The following NMUR1 variants were observed in gnomAD, a reference collection of about 807,000 sequenced individuals.
NMUR1 encodes the protein neuromedin-U receptor 1.
Under a neutral mutation model 18.8 loss-of-function variants are expected in NMUR1, and 16 were observed. The ratio of observed to expected loss-of-function variants is 0.85; its 90% confidence interval spans 0.58 to 1.29. The LOEUF is 1.29. Ranked by LOEUF, NMUR1 falls within the 50% of genes most tolerant of loss-of-function variation. NMUR1 has a pLI of 0.00. For synonymous variants in NMUR1, 258 were observed against 258.2 expected (o/e 1.00, Z 0.01); for missense variants, 529 against 580.3 (o/e 0.91, Z 0.91).
chr2:231,523,555 T>C lies in NMUR1; in HGVS notation c.*1488A>G, dbSNP rs1049287198. The stretch of plus-strand genomic sequence containing the variant: ...TTTTAAAACTAAACATCTGCAACCC[T>C]GTACCACGTCCTCCACTTTCTCGGC... On this transcript the variant is annotated 3_prime_UTR_variant, in exon 3 of 3. Transcript: ENST00000305141. The C allele has an allele frequency of 7.9e-5, 16 of 203,648 alleles. No homozygotes were observed. The highest frequency in any genetic ancestry group is 1.6e-4 in the Non-Finnish European group (16 of 103,172). The allele number at this position is 203,648 out of a possible 1,614,324, so 12.6% of individuals were successfully genotyped here. A position where few individuals can be genotyped will look rare whatever the true frequency, so the allele number is the denominator to read the frequency against.
downstream of NMUR1, among the ~76,000 whole-genome samples, chr2:231,518,976 G>A (rs2047287120): frequency 6.6e-6 from 1 of 152,132 alleles, no homozygotes; most frequent in African/African-American, 2.4e-5. Flanking sequence ...CCTCCTCCTG[G>A]AAGCCTTCCC....
Position 231,528,603 on chromosome 2 carries a change from G to A in NMUR1, c.418C>T (p.Leu140=). ...GAGGCCAGGCAGACCATCTCAAACA[G>A]TAGCGTGCGGAAATAGCAGCCACCA... The part of the protein sequence containing the change: ...GVGGCYFRTL[L]FEMVCLASVL... The change falls in exon 2 of 3, where the codon CTG becomes TTG. Residue 140 remains leucine (L), a synonymous_variant. Transcript: ENST00000305141. 1 of 1,614,206 alleles carries A rather than the reference G, an allele frequency of 6.2e-7. No individual in the cohort carries two copies. The highest frequency in any genetic ancestry group is 8.5e-7 in the Non-Finnish European group (1 of 1,180,046).
chr2:231,524,766 A>C lies in NMUR1; in HGVS notation c.*277T>G. On this transcript the variant is annotated 3_prime_UTR_variant, in exon 3 of 3. Transcript: ENST00000305141. ...GAGGGAGGACTGCTGAGCCCCAGCT[A>C]ACTGTGATATTTCTGCAGGGTAAGG... 1 of 365,848 alleles carries C rather than the reference A, an allele frequency of 2.7e-6. No homozygotes were observed. Among genetic ancestry groups the C allele is most frequent in the Non-Finnish European group, 4.9e-6 (1 of 202,816 alleles). The allele number at this position is 365,848 out of a possible 1,614,324, so 22.7% of individuals were successfully genotyped here.
At chr2:231,525,968 G>GCA (rs141246136) in intron 2 of NMUR1, among the ~76,000 whole-genome samples, 42,094 of 142,782 alleles carry the variant, frequency 0.29, 6,438 homozygotes, top group East Asian at 0.55. Flanking sequence ...ACACACACAT[G>GCA]CACACACACA....
chr2:231,525,372 C>T lies in NMUR1; in HGVS notation c.952G>A (p.Val318Ile), dbSNP rs962529763. 3.7e-6 allele frequency: 6 copies of T among 1,613,980 alleles called. No homozygotes were observed. Among genetic ancestry groups the T allele is most frequent in the East Asian group, 2.2e-5 (1 of 44,884 alleles). Reference sequence around the variant, plus strand: ...CACTGTGACACGACGCTCCACATGACGCGGTCGGCGTGGAACGGGGCCCAG... The same window carrying T: ...CACTGTGACACGACGCTCCACATGATGCGGTCGGCGTGGAACGGGGCCCAG... Reference protein sequence around the residue: ...ICWAPFHADRVMWSVVSQWTD... With the variant: ...ICWAPFHADRIMWSVVSQWTD... The change falls in exon 3 of 3, where the codon GTC becomes ATC. Residue 318 changes from valine (V) to isoleucine (I), a missense_variant. Coordinates refer to ENST00000305141, the MANE Select transcript of NMUR1 (RefSeq NM_006056.5).
At position 231,528,488 on chromosome 2, in the gene NMUR1, A is replaced by T; in HGVS notation, c.533T>A (p.Val178Glu). The T allele has an allele frequency of 6.2e-7, 1 of 1,613,692 alleles. No homozygotes were observed. Among genetic ancestry groups the T allele is most frequent in the Non-Finnish European group, 8.5e-7 (1 of 1,180,028 alleles). Residue 178 changes from valine to glutamate, a missense_variant, in exon 2 of 3, where the codon GTG (valine) becomes GAG (glutamate). By Grantham distance (121) the Val-to-Glu change is moderately radical. Coordinates refer to ENST00000305141, the MANE Select transcript of NMUR1 (RefSeq NM_006056.5). ...QARSMVTRAH[V>E]RRVLGAVWGL... ...CCAGACGGCCCCAAGCACTCGGCGC[A>T]CATGGGCCCGCGTCACCATGGACCT...
intron 1 of NMUR1, among the ~76,000 whole-genome samples, chr2:231,530,141 C>G (rs756904897): frequency 2.6e-5 from 4 of 152,174 alleles, no homozygotes; most frequent in Non-Finnish European, 4.4e-5. Flanking sequence ...TCAAGGGAGG[C>G]GCCCTGGTCC....
downstream of NMUR1, among the ~76,000 whole-genome samples, chr2:231,522,087 T>C (rs899321761): frequency 6.6e-6 from 1 of 151,326 alleles, no homozygotes; most frequent in African/African-American, 2.4e-5. Context: ...TCAGGTGATT[T>C]TCCCACCTCA....
chr2:231,521,367 C>T (rs546173619), downstream of NMUR1, among the ~76,000 whole-genome samples: 2 of 152,150 alleles, frequency 1.3e-5, no homozygotes. Context: ...CAAGCAAGAC[C>T]CCATCTCAAA....
chr2:231,524,887 C>T lies in NMUR1; in HGVS notation c.*156G>A. ...CAGCAGTCAGGGATCCCTCCTCCTG[C>T]TGTTTCCCTCTGAGGGAAACTGAGG... is the stretch of plus-strand genomic sequence containing the variant. On this transcript the variant is annotated 3_prime_UTR_variant, in exon 3 of 3. Coordinates refer to ENST00000305141, the MANE Select transcript of NMUR1 (RefSeq NM_006056.5). 1.1e-6 allele frequency: 1 copy of T among 918,116 alleles called. No individual in the cohort carries two copies. Among genetic ancestry groups the T allele is most frequent in the Non-Finnish European group, 1.6e-6 (1 of 631,736 alleles). The allele number at this position is 918,116 out of a possible 1,614,324, so 56.9% of individuals were successfully genotyped here.
In NMUR1 at chr2:231,528,578, G is replaced by A. The variant is rs1409824960; in HGVS notation, c.443C>T (p.Ser148Leu). 6.2e-7 allele frequency: 1 copy of A among 1,614,140 alleles called. No homozygotes were observed. The highest frequency in any genetic ancestry group is 2.2e-5 in the East Asian group (1 of 44,892). ...TLLFEMVCLA[S>L]VLNVTALSVE... ...GCTCAGGGCAGTGACGTTGAGCACT[G>A]AGGCCAGGCAGACCATCTCAAACAG... Residue 148 changes from serine to leucine, a missense_variant, in exon 2 of 3, where the codon TCA becomes TTA. Coordinates refer to ENST00000305141, the MANE Select transcript of NMUR1 (RefSeq NM_006056.5).
At position 231,525,194 on chromosome 2, in the gene NMUR1, C is replaced by T; in HGVS notation, c.1130G>A (p.Cys377Tyr). The change falls in exon 3 of 3, where the codon TGC becomes TAC. Residue 377 changes from cysteine (C) to tyrosine (Y), a missense_variant. Physicochemically the swap from Cys to Tyr is radical, Grantham distance 194. Transcript: ENST00000305141. ...GCTGTGGCGGGGTCTGAGGCGATGG[C>T]AGCAGGCCCCGAGGCACAGGGCCTC... ...FQEALCLGACCHRLRPRHSSH... is the reference protein window; with the variant it reads ...FQEALCLGACYHRLRPRHSSH... 1 of 1,614,092 alleles carries T rather than the reference C, an allele frequency of 6.2e-7. No homozygotes were observed. The highest frequency in any genetic ancestry group is 8.5e-7 in the Non-Finnish European group (1 of 1,180,016).
downstream of NMUR1, among the ~76,000 whole-genome samples, chr2:231,520,682 A>C (rs181149852): frequency 6.6e-6 from 1 of 152,370 alleles, no homozygotes; most frequent in African/African-American, 2.4e-5. Flanking sequence ...TGATGGATCC[A>C]TTAGAAGACA....
intron 1 of NMUR1, among the ~76,000 whole-genome samples, chr2:231,530,064 A>C (rs923888602): frequency 6.6e-6 from 1 of 150,666 alleles, no homozygotes; most frequent in Non-Finnish European, 1.5e-5. Context: ...GCCCGCCCTC[A>C]CCCCCGCTGC....
chr2:231,528,005 T>C lies in NMUR1; in HGVS notation c.898+118A>G, dbSNP rs2047373259. The stretch of plus-strand genomic sequence containing the variant: ...ACACACACACACACACACACGAGAC[T>C]AGAGGAGTTCCTCGTCCCCCATAAA... On this transcript the variant is annotated intron_variant, in intron 2 of 2. Transcript: ENST00000305141. 11 of 824,272 alleles carry C rather than the reference T, an allele frequency of 1.3e-5. No homozygotes were observed. In the South Asian group the frequency reaches 2.4e-4, roughly 18 times the overall value. 51.1% of individuals were successfully genotyped at this position (824,272 alleles called of 1,614,324 possible).
In NMUR1 at chr2:231,524,104, C is replaced by G. The variant is rs2047330318; in HGVS notation, c.*939G>C. The G allele has an allele frequency of 1.3e-5, 2 of 152,234 alleles. No homozygotes were observed. 9.4% of individuals were successfully genotyped at this position (152,234 alleles called of 1,614,324 possible). A position where few individuals can be genotyped will look rare whatever the true frequency, so the allele number is the denominator to read the frequency against. ...GGGTTGATAAAGATGCAGATAATAA[C>G]TTCCGCCCTTTCAGTCTGAGGGTAT... On this transcript the variant is annotated 3_prime_UTR_variant, in exon 3 of 3. Coordinates refer to ENST00000305141, the MANE Select transcript of NMUR1 (RefSeq NM_006056.5).
At chr2:231,528,003 A>G in intron 2 of NMUR1, 120 bp downstream of exon 2, 2 of 773,092 alleles carry the variant, frequency 2.6e-6, no homozygotes, top group Non-Finnish European at 3.7e-6. Context: ...CACACACGAG[A>G]CTAGAGGAGT....
downstream of NMUR1, among the ~76,000 whole-genome samples, chr2:231,520,114 C>T (rs967189069): frequency 6.6e-6 from 1 of 152,142 alleles, no homozygotes; most frequent in Non-Finnish European, 1.5e-5. Context: ...ATCTTAGAAA[C>T]TGTAAAGATA....
chr2:231,521,141 A>G (rs1330287404), downstream of NMUR1, among the ~76,000 whole-genome samples: 1 of 152,198 alleles, frequency 6.6e-6, no homozygotes, highest in Non-Finnish European at 1.5e-5. Context: ...TTAAGAGGCC[A>G]ACGGTGGGCA....
Sources: allele counts gnomAD v4.1 joint callset (sites outside exome capture counted in the v4.1 genomes callset), GRCh38; gene constraint gnomAD v4.1.1; transcripts MANE v1.5; gene names NCBI Gene and HGNC (gene_info 2026-07-23, HGNC 2026-07-21).